Variants in CNTRL observed in about 807,000 individuals in gnomAD.
CNTRL encodes the protein centriolin.
CNTRL carries 233 observed loss-of-function variants against 303.7 expected under a neutral mutation model. That is an observed-to-expected ratio of 0.77 (90% CI 0.69 to 0.86). The LOEUF is 0.86. CNTRL is among the 40% of genes least tolerant of loss of function. The pLI is 0.00. For synonymous variants in CNTRL, 900 were observed against 922.2 expected (o/e 0.98, Z 0.44); for missense variants, 2,524 against 2,650.6 (o/e 0.95, Z 1.05).
Position 121,113,555 on chromosome 9 carries a change from A to T in CNTRL, c.1176A>T (p.Arg392Ser). The change falls in exon 10 of 44, where the codon AGA (arginine) becomes AGT (serine). Residue 392 changes from arginine (R) to serine (S), a missense_variant. By Grantham distance (110) the Arg-to-Ser change is moderately radical. Transcript: ENST00000373855. The part of the protein sequence containing the change: ...PDESPYIGKS[R>S]YKRNMFATES... ...AAAGCCCTTACATTGGCAAATCCAG[A>T]TACAAGAGAAATATGTTTGCCACAG... 6.2e-7 allele frequency: 1 copy of T among 1,607,498 alleles called. No homozygotes were observed. Among genetic ancestry groups the T allele is most frequent in the Non-Finnish European group, 8.5e-7 (1 of 1,178,236 alleles).
At chr9:121,075,853 T>C (rs903004492) in intron 1 of CNTRL, among the ~76,000 whole-genome samples, 1 of 152,232 alleles carries the variant, frequency 6.6e-6, no homozygotes, top group Non-Finnish European at 1.5e-5. Context: ...CCAGAGAGGT[T>C]AAGTAATTTG....
Position 121,152,636 on chromosome 9 carries a change from G to C in CNTRL, c.4115G>C (p.Ser1372Thr). 1.2e-6 allele frequency: 2 copies of C among 1,614,078 alleles called. No individual in the cohort carries two copies. The highest frequency in any genetic ancestry group is 1.7e-6 in the Non-Finnish European group (2 of 1,179,950). The change falls in exon 26 of 44, where the codon AGC becomes ACC. Residue 1372 changes from serine (S) to threonine (T), a missense_variant. Ser to Thr is a moderately conservative substitution (Grantham distance 58, BLOSUM62 1). Transcript: ENST00000373855. The stretch of plus-strand genomic sequence containing the variant: ...GATGATCTTTTGCAAGAGAAGAAAA[G>C]CTTAGAGTGTGAAGTAGAAGAATTA... ...NIDDLLQEKKSLECEVEELHR... is the reference protein window; with the variant it reads ...NIDDLLQEKKTLECEVEELHR...
intron 23 of CNTRL, among the ~76,000 whole-genome samples, chr9:121,146,733 C>T (rs1564272449): frequency 6.6e-6 from 1 of 152,134 alleles, no homozygotes; most frequent in Non-Finnish European, 1.5e-5. Flanking sequence ...GGTGACATAC[C>T]TATGACAACA....
At chr9:121,122,790 TCAGTTAA>T (rs1426679203) in intron 12 of CNTRL, among the ~76,000 whole-genome samples, 2 of 152,200 alleles carry the variant, frequency 1.3e-5, no homozygotes, top group Non-Finnish European at 2.9e-5. Flanking sequence ...TCCATTCTTT[TCAGTTAA>T]CAGTAGTTCC....
intron 2 of CNTRL, among the ~76,000 whole-genome samples, chr9:121,081,024 G>A (rs2048117368): frequency 6.6e-6 from 1 of 152,182 alleles, no homozygotes; most frequent in South Asian, 2.1e-4. Context: ...AAATGGGTAT[G>A]ATCTAACGCT....
At position 121,174,969 on chromosome 9, in the gene CNTRL, C is replaced by G. The variant is rs2053459612; in HGVS notation, c.6748-49C>G. ...TATGTGAGGAAGCTGAGCGGCAGTT[C>G]TGGTACATTTCTTCTGTGTAAAACC... On this transcript the variant is annotated intron_variant, in intron 42 of 43. Transcript: ENST00000373855. 1.9e-6 allele frequency: 3 copies of G among 1,540,196 alleles called. No homozygotes were observed. The East Asian group carries it at 6.7e-5, about 35-fold the overall frequency.
Position 121,175,034 on chromosome 9 carries a change from G to C in CNTRL, c.6764G>C (p.Cys2255Ser). 1 of 1,613,728 alleles carries C rather than the reference G, an allele frequency of 6.2e-7. No individual in the cohort carries two copies. The highest frequency in any genetic ancestry group is 8.5e-7 in the Non-Finnish European group (1 of 1,179,884). ...ACTTTTCAGGCCCAACTCCGACACT[G>C]TATGTCCAAGCAAGCAGAAGTATTA... ...EDRLKAQLRH[C>S]MSKQAEVLIK... Residue 2255 changes from cysteine to serine, a missense_variant, in exon 43 of 44, where the codon TGT (cysteine) becomes TCT (serine). Transcript: ENST00000373855.
At chr9:121,124,818 C>G (rs2050419517) in intron 13 of CNTRL, among the ~76,000 whole-genome samples, 1 of 150,024 alleles carries the variant, frequency 6.7e-6, no homozygotes. Context: ...GGTATGTGTG[C>G]TTGTGGCACC....
intron 14 of CNTRL, among the ~76,000 whole-genome samples, chr9:121,128,366 G>A (rs1306897432): frequency 6.6e-6 from 1 of 152,144 alleles, no homozygotes; most frequent in Non-Finnish European, 1.5e-5. Flanking sequence ...ATCTCATTGT[G>A]GTTTTGATTT....
chr9:121,150,327 G>T lies in CNTRL; in HGVS notation c.3807G>T (p.Leu1269Phe). The T allele has an allele frequency of 6.2e-7, 1 of 1,614,110 alleles. No individual in the cohort carries two copies. The highest frequency in any genetic ancestry group is 8.5e-7 in the Non-Finnish European group (1 of 1,180,018). The change falls in exon 25 of 44, where the codon TTG becomes TTT. Residue 1269 changes from leucine to phenylalanine, a missense_variant. Physicochemically the swap from Leu to Phe is conservative, Grantham distance 22 (BLOSUM62 0). Coordinates refer to ENST00000373855, the MANE Select transcript of CNTRL (RefSeq NM_007018.6). ...CCCTGTATGCACCACCTCCTCCCTTGCCAAACAATAGCCGACCTCTCACCC... is the reference window on the plus strand; with the variant it reads ...CCCTGTATGCACCACCTCCTCCCTTTCCAAACAATAGCCGACCTCTCACCC... ...GMALYAPPPP[L>F]PNNSRPLTPG...
chr9:121,148,434 C>T (rs955895112), intron 23 of CNTRL, among the ~76,000 whole-genome samples: 1 of 152,198 alleles, frequency 6.6e-6, no homozygotes, highest in African/African-American at 2.4e-5. Flanking sequence ...TGCATGGCTT[C>T]CCTGACCCTG....
intron 18 of CNTRL, among the ~76,000 whole-genome samples, chr9:121,141,864 G>C (rs999910350): frequency 2.6e-5 from 4 of 152,144 alleles, no homozygotes; most frequent in African/African-American, 7.2e-5. Flanking sequence ...CTAGAGTATG[G>C]TGTGTTGCCA....
intron 9 of CNTRL, 77 bp from the exon 10 acceptor site, chr9:121,113,425 C>T: frequency 1.4e-6 from 1 of 701,358 alleles, no homozygotes; most frequent in African/African-American, 1.8e-5. Context: ...ATATGTTTGC[C>T]ACTAATAAAA....
Position 121,162,264 on chromosome 9 carries a change from A to G in CNTRL, c.5416A>G (p.Thr1806Ala), listed in dbSNP as rs2052887499. 6.2e-7 allele frequency: 1 copy of G among 1,613,518 alleles called. No homozygotes were observed. The highest frequency in any genetic ancestry group is 8.5e-7 in the Non-Finnish European group (1 of 1,179,520). Reference protein sequence around the residue: ...CDIWEKKLAQTKRVLAAAEEN... With the variant: ...CDIWEKKLAQAKRVLAAAEEN... ...CATTTGGGAAAAAAAGTTGGCACAA[A>G]CCAAAAGGTGAGAGCAAGAACAAAT... The change falls in exon 34 of 44, where the codon ACC becomes GCC. Residue 1806 changes from threonine to alanine, a missense_variant. By Grantham distance (58) the Thr-to-Ala change is moderately conservative (BLOSUM62 0). Coordinates refer to ENST00000373855, the MANE Select transcript of CNTRL (RefSeq NM_007018.6).
chr9:121,112,420 T>G, intron 8 of CNTRL, 39 bp from the exon 9 acceptor site: 1 of 1,596,244 alleles, frequency 6.3e-7, no homozygotes, highest in Non-Finnish European at 8.6e-7. Context: ...ACTAACTTAC[T>G]GATCCTGTAT....
chr9:121,098,451 A>T lies in CNTRL; in HGVS notation c.687A>T (p.Pro229=), dbSNP rs2132602584. Residue 229 remains proline (P), a synonymous_variant, in exon 7 of 44, where the codon CCA becomes CCT. Coordinates refer to ENST00000373855, the MANE Select transcript of CNTRL (RefSeq NM_007018.6). ...TTTCTCTGATCCTAGTTGAAAATCC[A>T]GTTGTGACCCTTCCTCATTACCTCC... The part of the protein sequence containing the change: ...DLISLILVEN[P]VVTLPHYLQF... The T allele has an allele frequency of 6.2e-7, 1 of 1,613,790 alleles. No individual in the cohort carries two copies. Among genetic ancestry groups the T allele is most frequent in the Non-Finnish European group, 8.5e-7 (1 of 1,179,738 alleles).
At chr9:121,102,782 T>C (rs1030110757) in intron 7 of CNTRL, among the ~76,000 whole-genome samples, 1 of 152,078 alleles carries the variant, frequency 6.6e-6, no homozygotes, top group Non-Finnish European at 1.5e-5. Flanking sequence ...GAATCATGAG[T>C]GAACTCCCAT....
chr9:121,090,490 C>A, intron 4 of CNTRL, 85 bp downstream of exon 4: 1 of 1,283,642 alleles, frequency 7.8e-7, no homozygotes, highest in South Asian at 1.5e-5. Flanking sequence ...ATCCTAATGT[C>A]ACCTAATTTG....
At position 121,146,238 on chromosome 9, in the gene CNTRL, A is replaced by G; in HGVS notation, c.3441A>G (p.Pro1147=). The G allele has an allele frequency of 1.2e-6, 2 of 1,609,354 alleles. No homozygotes were observed. Among genetic ancestry groups the G allele is most frequent in the Non-Finnish European group, 1.7e-6 (2 of 1,178,732 alleles). ...GACGAGGCTATTGGTACTTTATGCC[A>G]CCACCACCATCATCAAAAGTAGGAA... is the stretch of plus-strand genomic sequence containing the variant. ...FKRRGYWYFM[P]PPPSSKVSSH... is the part of the protein sequence containing the mutation. The change falls in exon 23 of 44, where the codon CCA becomes CCG. Residue 1147 remains proline, a synonymous_variant. Transcript: ENST00000373855.
Sources: gnomAD v4.1 joint callset for allele counts (sites outside exome capture counted in the v4.1 genomes callset) on GRCh38, gnomAD v4.1.1 for gene constraint, MANE v1.5 for transcripts, NCBI Gene and HGNC (gene_info 2026-07-23, HGNC 2026-07-21) for gene names.